Variants in SCN11A observed in about 807,000 individuals in gnomAD.
SCN11A encodes the protein sodium voltage-gated channel alpha subunit 11, also known as sodium channel protein type 11 subunit alpha.
In SCN11A, 122 loss-of-function variants were observed where a neutral mutation model predicts 162.2. That is an observed-to-expected ratio of 0.75 (90% confidence interval 0.65 to 0.87). SCN11A has a LOEUF of 0.87. Ranked by LOEUF, SCN11A falls within the 40% of genes least tolerant of loss-of-function variation. The probability of loss-of-function intolerance (pLI) is 0.00; values close to 1 mark genes in which losing one functional copy is unlikely to be tolerated. For missense variants in SCN11A, 2,015 were observed against 2,181.6 expected (o/e 0.92, Z 1.52); for synonymous variants, 758 against 751.5 (o/e 1.01, Z -0.14).
At chr3:38,871,045 G>A (rs2065117845) in intron 25 of SCN11A, among the ~76,000 whole-genome samples, 2 of 152,314 alleles carry the variant, frequency 1.3e-5, no homozygotes, top group Middle Eastern at 3.4e-3. Context: ...CTGGCTAAGA[G>A]TTAAAGGGTT....
chr3:38,850,728 G>A lies in SCN11A; in HGVS notation c.4080C>T (p.Phe1360=), dbSNP rs752386014. The A allele has an allele frequency of 6.2e-6, 10 of 1,607,696 alleles. No individual in the cohort carries two copies. The highest frequency in any genetic ancestry group is 1.7e-4 in the Middle Eastern group (1 of 6,054). Residue 1360 remains phenylalanine, a synonymous_variant, in exon 29 of 30, where the codon TTC becomes TTT. Transcript: ENST00000302328. The part of the protein sequence containing the change: ...RPLNKCQGLV[F]DIVTSQIFDI... ...CAAAGATCTGGCTTGTGACTATGTC[G>A]AACACGAGACCTTGACATTTGTTCT...
chr3:38,920,891 T>C (rs1025918763), intron 10 of SCN11A, among the ~76,000 whole-genome samples, 185 bp downstream of exon 10: 5 of 152,016 alleles, frequency 3.3e-5, no homozygotes, highest in Non-Finnish European at 2.9e-5. Flanking sequence ...TCCTTCTCCA[T>C]AGGAAGCCAA....
chr3:39,046,958 C>G (rs541978285), intron 1 of SCN11A, among the ~76,000 whole-genome samples: 1 of 149,916 alleles, frequency 6.7e-6, no homozygotes, highest in African/African-American at 2.5e-5. Flanking sequence ...TGGGCTCAAG[C>G]GATCCACACA....
At chr3:39,049,343 G>C (rs1259636645) in intron 1 of SCN11A, among the ~76,000 whole-genome samples, 2 of 152,266 alleles carry the variant, frequency 1.3e-5, no homozygotes, top group African/African-American at 2.4e-5. Flanking sequence ...TTTCATTGCA[G>C]AGTGAATTTC....
chr3:38,941,730 T>C (rs1559547025), intron 7 of SCN11A, among the ~76,000 whole-genome samples: 1 of 150,128 alleles, frequency 6.7e-6, no homozygotes, highest in Non-Finnish European at 1.5e-5. Flanking sequence ...ATACTAAATA[T>C]ACATGATTAA....
chr3:38,994,449 T>C (rs1319763406), intron 2 of SCN11A, among the ~76,000 whole-genome samples: 1 of 152,194 alleles, frequency 6.6e-6, no homozygotes, highest in Non-Finnish European at 1.5e-5. Context: ...TCTTGGCCAC[T>C]TTCCCATTTG....
intron 2 of SCN11A, among the ~76,000 whole-genome samples, chr3:38,984,841 C>T (rs566907665): frequency 7.9e-5 from 12 of 152,118 alleles, no homozygotes; most frequent in South Asian, 4.1e-4. Flanking sequence ...AATGAAGGCA[C>T]GCGAAAGTCT....
At chr3:38,905,446 C>A in intron 14 of SCN11A, 125 bp from the exon 15 acceptor site, 3 of 1,061,012 alleles carry the variant, frequency 2.8e-6, no homozygotes, top group Non-Finnish European at 4.0e-6. Context: ...GGTCTACTCA[C>A]CTCGTCTTTA....
intron 2 of SCN11A, among the ~76,000 whole-genome samples, chr3:39,005,489 T>G (rs983672518): frequency 1.3e-5 from 2 of 152,178 alleles, no homozygotes; most frequent in African/African-American, 4.8e-5. Context: ...TGAGCCCCAT[T>G]CTAGTCTCCT....
chr3:38,998,714 A>G (rs908911320), intron 2 of SCN11A, among the ~76,000 whole-genome samples: 2 of 152,126 alleles, frequency 1.3e-5, no homozygotes, highest in African/African-American at 4.8e-5. Flanking sequence ...ACACCATGGA[A>G]TACTATGCAG....
intron 2 of SCN11A, among the ~76,000 whole-genome samples, chr3:39,027,966 C>T (rs2031632618): frequency 6.6e-6 from 1 of 152,200 alleles, no homozygotes; most frequent in South Asian, 2.1e-4. Flanking sequence ...TTCTTTCTCA[C>T]CTCCCAGGTG....
intron 1 of SCN11A, among the ~76,000 whole-genome samples, chr3:39,049,116 C>A (rs1184444564): frequency 6.6e-6 from 1 of 152,102 alleles, no homozygotes; most frequent in Non-Finnish European, 1.5e-5. Flanking sequence ...GGTTAAACAG[C>A]AATAGATAAA....
rs569165740 is a variant in SCN11A, at chr3:38,869,682, T to A, written c.3813+1009A>T. Among the ~76,000 whole-genome samples, 12 of 152,336 alleles carry A rather than the reference T, an allele frequency of 7.9e-5. No homozygotes were observed. The East Asian group carries it at 1.7e-3, about 22-fold the overall frequency. ...ATAACACTAATCAAACCACTTCTAC[T>A]GCTACTACAGGCTGAGTATCCCTAA... On this transcript the variant is annotated intron_variant, in intron 26 of 29. Transcript: ENST00000302328.
intron 9 of SCN11A, among the ~76,000 whole-genome samples, chr3:38,921,807 A>G (rs568504260): frequency 6.6e-6 from 1 of 152,160 alleles, no homozygotes; most frequent in Non-Finnish European, 1.5e-5. Context: ...TCATTCATTC[A>G]TTCATTCAAG....
At chr3:38,903,780 C>G (rs1319216239) in intron 16 of SCN11A, 85 bp downstream of exon 16, 2 of 1,039,468 alleles carry the variant, frequency 1.9e-6, no homozygotes, top group Non-Finnish European at 2.8e-6. Context: ...GTTAGGTTAG[C>G]TCATTCACAA....
intron 7 of SCN11A, among the ~76,000 whole-genome samples, chr3:38,943,121 T>C (rs542185161): frequency 6.6e-6 from 1 of 151,756 alleles, no homozygotes; most frequent in Admixed American, 6.6e-5. Flanking sequence ...GGAATCCAAC[T>C]TAGCAACAAA....
rs1041834227 is a variant in SCN11A, at chr3:38,867,543, G to C, written c.3814-85C>G. 1.8e-5 allele frequency: 19 copies of C among 1,056,996 alleles called. No homozygotes were observed. The African/African-American group carries it at 2.9e-4, about 16-fold the overall frequency. The allele number at this position is 1,056,996 out of a possible 1,614,324, so 65.5% of individuals were successfully genotyped here. On this transcript the variant is annotated intron_variant, in intron 26 of 29. Transcript: ENST00000302328. Reference sequence around the variant, plus strand: ...CTAACTACCTTATCTAGAAGACCAAGGTGTTTCTTAGCAGCAACATTGACT... The same window carrying C: ...CTAACTACCTTATCTAGAAGACCAACGTGTTTCTTAGCAGCAACATTGACT...
chr3:38,937,040 C>T (rs938600685), intron 7 of SCN11A, among the ~76,000 whole-genome samples: 35 of 152,216 alleles, frequency 2.3e-4, no homozygotes, highest in South Asian at 1.0e-3. Flanking sequence ...ATCAATGGAA[C>T]AGAACAGAGC....
chr3:38,848,387 G>C lies in SCN11A; in HGVS notation c.4328-645C>G, dbSNP rs76994210. ...TGTTCTTGCTTTGAGAGTCTTCTAG[G>C]GTTGTTAGGGGTCATGGGCAGTATT... On this transcript the variant is annotated intron_variant, in intron 29 of 29. Transcript: ENST00000302328. 2.1e-3 allele frequency among the ~76,000 whole-genome samples: 316 copies of C among 152,168 alleles called. 2 individuals carry two copies. Among genetic ancestry groups the C allele is most frequent in the African/African-American group, 7.5e-3 (310 of 41,516 alleles).
Sources: allele counts gnomAD v4.1 joint callset (sites outside exome capture counted in the v4.1 genomes callset), GRCh38; gene constraint gnomAD v4.1.1; transcripts MANE v1.5; gene names NCBI Gene and HGNC (gene_info 2026-07-23, HGNC 2026-07-21).